RALY: variants seen among roughly 807,000 people sequenced by gnomAD.
RALY encodes RNA-binding protein Raly.
RALY carries 15 observed loss-of-function variants against 30.7 expected under a neutral mutation model. The ratio of observed to expected loss-of-function variants is 0.49; its 90% CI spans 0.33 to 0.75. The LOEUF (loss-of-function observed/expected upper bound fraction) is 0.75. Among genes scored for constraint, RALY ranks in the 30% least tolerant of loss-of-function variants. The pLI is 0.02. For synonymous variants in RALY, 177 were observed against 170.8 expected (o/e 1.04, Z -0.28); for missense variants, 339 against 414.3 (o/e 0.82, Z 1.58).
At chr20:34,050,290 C>T (rs887454622) in intron 2 of RALY, among the ~76,000 whole-genome samples, 4 of 152,168 alleles carry the variant, frequency 2.6e-5, no homozygotes, top group African/African-American at 9.7e-5. Flanking sequence ...TGATTCAGTT[C>T]GGTTCAAACA....
At chr20:34,076,587 CA>C (rs2033884131) in intron 6 of RALY, 114 bp from the exon 7 acceptor site, 5 of 934,842 alleles carry the variant, frequency 5.3e-6, no homozygotes, top group Non-Finnish European at 7.9e-6. Flanking sequence ...AGGGAAAAAA[CA>C]AAACAAAACA....
At chr20:34,021,004 C>G (rs1476164367) in intron 1 of RALY, among the ~76,000 whole-genome samples, 1 of 151,948 alleles carries the variant, frequency 6.6e-6, no homozygotes, top group Non-Finnish European at 1.5e-5. Flanking sequence ...CTCAGTCACC[C>G]AGGCTGGAGT....
intron 2 of RALY, among the ~76,000 whole-genome samples, chr20:34,064,570 C>G (rs1008286863): frequency 1.3e-5 from 2 of 152,116 alleles, no homozygotes; most frequent in Admixed American, 1.3e-4. Context: ...TGTGAAGTTT[C>G]TAGGTTTGGT....
rs1393166630 is a variant in RALY, at chr20:34,078,509, A to G, written c.881A>G (p.His294Arg). The G allele has an allele frequency of 6.3e-6, 10 of 1,584,470 alleles. No homozygotes were observed. Among genetic ancestry groups the G allele is most frequent in the Non-Finnish European group, 8.6e-6 (10 of 1,165,200 alleles). Residue 294 changes from histidine (H) to arginine (R), a missense_variant, in exon 9 of 10, where the codon CAC becomes CGC. Transcript: ENST00000246194. ...CTCTTACCTCCTCCCTATCAGGAAC[A>G]CAGCCAGGACACAGACGCGGATGAT... ...LLTHSEEELEHSQDTDADDGA... is the reference protein window; with the variant it reads ...LLTHSEEELERSQDTDADDGA...
At chr20:34,074,257 G>A (rs2033811965) in intron 5 of RALY, among the ~76,000 whole-genome samples, 2 of 152,274 alleles carry the variant, frequency 1.3e-5, no homozygotes, top group South Asian at 2.1e-4. Context: ...CCAGAGCTCA[G>A]TCTAAGCTTC....
intron 2 of RALY, among the ~76,000 whole-genome samples, chr20:34,044,607 A>G (rs1477514404): frequency 1.3e-5 from 2 of 152,142 alleles, no homozygotes; most frequent in Non-Finnish European, 2.9e-5. Context: ...CGAAGCTGGG[A>G]TTACAGGCGT....
In RALY at chr20:34,061,460, A is replaced by G. The variant is rs534780948; in HGVS notation, c.-9-10606A>G. The stretch of plus-strand genomic sequence containing the variant: ...TTGCTTTGGTTTCATAGAAGTTCAC[A>G]GTTGGGCAAGAGTGGCTTAGAGCTG... On this transcript the variant is annotated intron_variant, in intron 2 of 9. Transcript: ENST00000246194. Among the ~76,000 whole-genome samples, 44 of 152,336 alleles carry G rather than the reference A, an allele frequency of 2.9e-4. No individual in the cohort carries two copies. In the South Asian group the frequency reaches 5.6e-3, roughly 19 times the overall value.
intron 1 of RALY, among the ~76,000 whole-genome samples, chr20:34,019,218 CG>C (rs2031723747): frequency 6.6e-6 from 1 of 151,874 alleles, no homozygotes; most frequent in Admixed American, 6.6e-5. Context: ...CCCGGCTACT[CG>C]GGAGACTAAG....
intron 8 of RALY, chr20:34,077,479 G>A: frequency 1.2e-6 from 1 of 814,080 alleles, no homozygotes; most frequent in Non-Finnish European, 1.9e-6. Context: ...CCAAATGCGG[G>A]CACATTCTGG....
chr20:34,074,895 C>T (rs958603471), intron 5 of RALY, among the ~76,000 whole-genome samples: 5 of 152,196 alleles, frequency 3.3e-5, no homozygotes, highest in African/African-American at 1.2e-4. Context: ...AACAAAGGAG[C>T]CCCAAGGAAT....
chr20:34,010,329 G>A (rs1398824479), intron 1 of RALY, among the ~76,000 whole-genome samples: 1 of 152,138 alleles, frequency 6.6e-6, no homozygotes, highest in Admixed American at 6.5e-5. Flanking sequence ...CCCGGGCTCA[G>A]GTGGTTCTCC....
At chr20:34,065,036 A>G (rs1187686416) in intron 2 of RALY, 2 of 152,178 alleles carry the variant, frequency 1.3e-5, no homozygotes, top group African/African-American at 4.8e-5. Context: ...ATCGTTTTTA[A>G]AAAACAGGTT....
At chr20:34,057,887 T>C (rs527781995) in intron 2 of RALY, among the ~76,000 whole-genome samples, 1 of 152,280 alleles carries the variant, frequency 6.6e-6, no homozygotes, top group Admixed American at 6.5e-5. Context: ...CATTGGTTCA[T>C]GGAGTTTAAT....
At chr20:34,008,124 G>A (rs1261713135) in intron 1 of RALY, among the ~76,000 whole-genome samples, 1 of 152,094 alleles carries the variant, frequency 6.6e-6, no homozygotes, top group East Asian at 1.9e-4. Flanking sequence ...AACCATTTTT[G>A]TTGTATTCTC....
intron 2 of RALY, among the ~76,000 whole-genome samples, chr20:34,058,139 A>T (rs960296615): frequency 1.3e-5 from 2 of 152,104 alleles, no homozygotes; most frequent in Non-Finnish European, 2.9e-5. Context: ...AGGGGGAAAG[A>T]CCATAGATAC....
At chr20:34,065,280 T>C (rs913782037) in intron 2 of RALY, 5 of 152,260 alleles carry the variant, frequency 3.3e-5, no homozygotes, top group Non-Finnish European at 5.9e-5. Flanking sequence ...GATTCTTGTA[T>C]CAGACCTGAA....
chr20:34,078,589 G>GA (rs756511573), intron 9 of RALY, 36 bp downstream of exon 9: 4 of 1,506,960 alleles, frequency 2.7e-6, no homozygotes, highest in Non-Finnish European at 1.8e-6. Flanking sequence ...AGAGGGTGGG[G>GA]AATCAGTGAA....
chr20:34,048,871 A>AT (rs1568679755), intron 2 of RALY, among the ~76,000 whole-genome samples: 1 of 150,278 alleles, frequency 6.7e-6, no homozygotes, highest in South Asian at 2.1e-4. Flanking sequence ...AAAAAAAAAA[A>AT]TTTTCTCTGC....
chr20:33,995,835 C>T (rs752006906), intron 1 of RALY, among the ~76,000 whole-genome samples: 109 of 152,198 alleles, frequency 7.2e-4, no homozygotes, highest in Non-Finnish European at 1.4e-3. Context: ...AGTCTTCTTC[C>T]TCCTAATCCA....
Sources: gnomAD v4.1 joint callset for allele counts (sites outside exome capture counted in the v4.1 genomes callset) on GRCh38, gnomAD v4.1.1 for gene constraint, MANE v1.5 for transcripts, NCBI Gene and HGNC (gene_info 2026-07-23, HGNC 2026-07-21) for gene names.